IFIT1: variants seen among roughly 807,000 people sequenced by gnomAD.
The protein encoded by IFIT1 is interferon induced protein with tetratricopeptide repeats 1, also known as antiviral innate immune response effector IFIT1.
A neutral mutation model predicts 2.5 loss-of-function variants in IFIT1; 1 was observed. The observed-to-expected ratio is 0.40, with a 90% confidence interval of 0.14 to 1.92. The LOEUF is 1.92. IFIT1 is among the 40% of genes most tolerant of loss of function. IFIT1 has a pLI of 0.31. For missense variants in IFIT1, 508 were observed against 557.8 expected (o/e 0.91, Z 0.90); for synonymous variants, 191 against 201.7 (o/e 0.95, Z 0.45).
rs1844310921 is a variant in IFIT1 at position 89,394,602 on chromosome 10, AT to A, written c.5+1886del. ...AATATATATATATATATATATATATATATATATATATATATATATATATATA... is the reference window on the plus strand; with the variant it reads ...AATATATATATATATATATATATATAATATATATATATATATATATATATA... On this transcript the variant is annotated intron_variant, in intron 1 of 1. Coordinates refer to ENST00000371804, the MANE Select transcript of IFIT1 (RefSeq NM_001548.5). 2.1e-4 allele frequency among the ~76,000 whole-genome samples: 7 copies of A among 32,636 alleles called. 1 individual carries two copies. The highest frequency in any genetic ancestry group is 5.6e-4 in the Admixed American group (2 of 3,576). 21.4% of individuals were successfully genotyped at this position (32,636 alleles called of 152,430 possible).
Position 89,403,699 on chromosome 10 carries a change from G to C in IFIT1, c.1424G>C (p.Arg475Thr). The C allele has an allele frequency of 6.3e-7, 1 of 1,582,164 alleles. No homozygotes were observed. Among genetic ancestry groups the C allele is most frequent in the Non-Finnish European group, 8.6e-7 (1 of 1,165,200 alleles). Residue 475 changes from arginine (R) to threonine (T), a missense_variant, in exon 2 of 2, where the codon AGA (arginine) becomes ACA (threonine). Physicochemically the swap from Arg to Thr is moderately conservative, Grantham distance 71. Transcript: ENST00000371804. Reference protein sequence around the residue: ...RLAADFENSVRQGP With the variant: ...RLAADFENSVTQGP ...GCTGCTGACTTTGAGAACTCTGTGA[G>C]ACAAGGTCCTTAGGCACCCAGATAT...
rs1216716423 is a variant in IFIT1, at chr10:89,392,637, A to G, written c.-76A>G. ...GGTTTAAACGTAACTGAAAATCCAC[A>G]AGACAGAATAGCCAGATCTCAGAGG... On this transcript the variant is annotated 5_prime_UTR_variant, in exon 1 of 2. Transcript: ENST00000371804. 2 of 1,545,234 alleles carry G rather than the reference A, an allele frequency of 1.3e-6. No individual in the cohort carries two copies. The highest frequency in any genetic ancestry group is 1.8e-6 in the Non-Finnish European group (2 of 1,118,042).
At chr10:89,401,001 C>T (rs1449288415) in intron 1 of IFIT1, among the ~76,000 whole-genome samples, 1 of 151,684 alleles carries the variant, frequency 6.6e-6, no homozygotes, top group Non-Finnish European at 1.5e-5. Flanking sequence ...AATGCTTTTC[C>T]TGCATCAATT....
At chr10:89,392,847 T>C in intron 1 of IFIT1, 130 bp downstream of exon 1, 2 of 902,692 alleles carry the variant, frequency 2.2e-6, no homozygotes, top group Non-Finnish European at 1.8e-6. Flanking sequence ...TATCTGCTTA[T>C]GGACTGAATG....
Position 89,406,170 on chromosome 10 carries a change from T to C in IFIT1, c.*2458T>C, listed in dbSNP as rs1844527615. 1 of 152,242 alleles carries C rather than the reference T, an allele frequency of 6.6e-6. No homozygotes were observed. Among genetic ancestry groups the C allele is most frequent in the Non-Finnish European group, 1.5e-5 (1 of 68,058 alleles). The allele number at this position is 152,242 out of a possible 1,614,324, so 9.4% of individuals were successfully genotyped here. ...TTGTTACACAGGTAAACGTGTGCCA[T>C]GGCGGTTTGCTGAACAGATCATCCC... On this transcript the variant is annotated 3_prime_UTR_variant, in exon 2 of 2. Transcript: ENST00000371804.
chr10:89,395,025 A>C (rs1331587192), intron 1 of IFIT1, among the ~76,000 whole-genome samples: 1 of 152,204 alleles, frequency 6.6e-6, no homozygotes, highest in Non-Finnish European at 1.5e-5. Context: ...TTCCAGAAGC[A>C]GGGCTCAGTC....
chr10:89,392,853 G>A, intron 1 of IFIT1, 136 bp downstream of exon 1: 1 of 877,782 alleles, frequency 1.1e-6, no homozygotes. Context: ...CTTATGGACT[G>A]AATGTGTGCA....
Position 89,392,674 on chromosome 10 carries a change from G to C in IFIT1, c.-39G>C. ...CCAGATCTCAGAGGAGCCTGGCTAA[G>C]CAAAACCCTGCAGAACGGCTGCCTA... On this transcript the variant is annotated 5_prime_UTR_variant, in exon 1 of 2. Coordinates refer to ENST00000371804, the MANE Select transcript of IFIT1 (RefSeq NM_001548.5). The C allele has an allele frequency of 6.2e-7, 1 of 1,613,614 alleles. No individual in the cohort carries two copies. The highest frequency in any genetic ancestry group is 8.5e-7 in the Non-Finnish European group (1 of 1,179,530).
chr10:89,402,661 C>CAA lies in IFIT1; in HGVS notation c.388_389dup (p.Asn130LysfsTer13). 1 of 1,614,224 alleles carries CAA rather than the reference C, an allele frequency of 6.2e-7. No homozygotes were observed. Among genetic ancestry groups the CAA allele is most frequent in the African/African-American group, 1.3e-5 (1 of 75,052 alleles). On this transcript the variant is annotated frameshift_variant, in exon 2 of 2. Coordinates refer to ENST00000371804, the MANE Select transcript of IFIT1 (RefSeq NM_001548.5). LOFTEE classifies it low-confidence loss of function (END_TRUNC). ...GTGGAGAACATTTGCAAGAAGCTTT[C>CAA]AAATCCCTTCCGCTATAGAATGGAG...
chr10:89,398,318 T>C (rs1178071332), intron 1 of IFIT1, among the ~76,000 whole-genome samples: 3 of 152,210 alleles, frequency 2.0e-5, no homozygotes, highest in Admixed American at 2.0e-4. Flanking sequence ...TCCACATGCG[T>C]GATGTTCCCT....
chr10:89,403,880 G>C lies in IFIT1; in HGVS notation c.*168G>C, dbSNP rs556284768. ...GTTGTGTTCAACAATTAGTGAAACA[G>C]AATGTGTGTATGCATGTAAGAAAGA... On this transcript the variant is annotated 3_prime_UTR_variant, in exon 2 of 2. Coordinates refer to ENST00000371804, the MANE Select transcript of IFIT1 (RefSeq NM_001548.5). 1.8e-6 allele frequency: 1 copy of C among 562,996 alleles called. No homozygotes were observed. The highest frequency in any genetic ancestry group is 2.6e-5 in the South Asian group (1 of 39,022). 34.9% of individuals were successfully genotyped at this position (562,996 alleles called of 1,614,324 possible).
At position 89,393,120 on chromosome 10, in the gene IFIT1, G is replaced by T. The variant is rs1844282131; in HGVS notation, c.5+403G>T. The T allele has an allele frequency of 3.1e-6, 4 of 1,294,276 alleles. No individual in the cohort carries two copies. The South Asian group carries it at 4.9e-5, about 16-fold the overall frequency. The allele number at this position is 1,294,276 out of a possible 1,614,324, so 80.2% of individuals were successfully genotyped here. A position where few individuals can be genotyped will look rare whatever the true frequency, so the allele number is the denominator to read the frequency against. On this transcript the variant is annotated intron_variant, in intron 1 of 1. Transcript: ENST00000371804. ...TGCTTTCTGCAGGTTCTTTACCACA[G>T]AGAAAAAGCAGGACCCACAAGAATG...
At chr10:89,394,322 T>C (rs11203106) in intron 1 of IFIT1, among the ~76,000 whole-genome samples, 38,100 of 152,042 alleles carry the variant, frequency 0.25, 4,987 homozygotes, top group Middle Eastern at 0.28. Context: ...AATATCATTA[T>C]GCAGTGCATG....
intron 1 of IFIT1, among the ~76,000 whole-genome samples, chr10:89,401,999 C>T (rs1293455874): frequency 6.6e-6 from 1 of 152,070 alleles, no homozygotes; most frequent in Non-Finnish European, 1.5e-5. Context: ...TTTATTAATC[C>T]TCACCAAACC....
At position 89,404,358 on chromosome 10, in the gene IFIT1, C is replaced by G. The variant is rs1844495311; in HGVS notation, c.*646C>G. The G allele has an allele frequency of 6.6e-6, 1 of 152,344 alleles. No homozygotes were observed. The highest frequency in any genetic ancestry group is 6.5e-5 in the Admixed American group (1 of 15,284). The allele number at this position is 152,344 out of a possible 1,614,324, so 9.4% of individuals were successfully genotyped here. On this transcript the variant is annotated 3_prime_UTR_variant, in exon 2 of 2. Coordinates refer to ENST00000371804, the MANE Select transcript of IFIT1 (RefSeq NM_001548.5). ...CCACTGCCCACAGACTGGTTCTGGC[C>G]AGTCCATGGAGGCTGCACACAGGGT...
intron 1 of IFIT1, chr10:89,392,996 G>A (rs1201197362): frequency 5.5e-6 from 4 of 726,488 alleles, no homozygotes; most frequent in South Asian, 1.9e-5. Flanking sequence ...AGTTTTGCAG[G>A]AAGGGAGAAA....
chr10:89,403,731 C>CT lies in IFIT1; in HGVS notation c.*22dup. 4 of 1,324,446 alleles carry CT rather than the reference C, an allele frequency of 3.0e-6. No homozygotes were observed. Among genetic ancestry groups the CT allele is most frequent in the Middle Eastern group, 3.7e-4 (2 of 5,338 alleles). The allele number at this position is 1,324,446 out of a possible 1,614,324, so 82.0% of individuals were successfully genotyped here. A position where few individuals can be genotyped will look rare whatever the true frequency, so the allele number is the denominator to read the frequency against. On this transcript the variant is annotated 3_prime_UTR_variant, in exon 2 of 2. Coordinates refer to ENST00000371804, the MANE Select transcript of IFIT1 (RefSeq NM_001548.5). ...TCCTTAGGCACCCAGATATCAGCCA[C>CT]TTTCACATTTCATTTCATTTTATGC...
Position 89,403,669 on chromosome 10 carries a change from G to C in IFIT1, c.1394G>C (p.Arg465Thr), listed in dbSNP as rs201342263. ...CTGGAGTACTATGAGCGGGCCCTGAGACTGGCTGCTGACTTTGAGAACTCT... is the reference window on the plus strand; with the variant it reads ...CTGGAGTACTATGAGCGGGCCCTGACACTGGCTGCTGACTTTGAGAACTCT... The part of the protein sequence containing the change: ...EALEYYERAL[R>T]LAADFENSVR... Residue 465 changes from arginine to threonine, a missense_variant, in exon 2 of 2, where the codon AGA becomes ACA. Arg to Thr is a moderately conservative substitution (Grantham distance 71, BLOSUM62 -1). Transcript: ENST00000371804. 1 of 1,605,276 alleles carries C rather than the reference G, an allele frequency of 6.2e-7. No individual in the cohort carries two copies. Among genetic ancestry groups the C allele is most frequent in the Non-Finnish European group, 8.5e-7 (1 of 1,177,636 alleles).
At position 89,403,603 on chromosome 10, in the gene IFIT1, T is replaced by C. The variant is rs766898563; in HGVS notation, c.1328T>C (p.Leu443Pro). The C allele has an allele frequency of 2.0e-5, 32 of 1,614,060 alleles. No individual in the cohort carries two copies. Among genetic ancestry groups the C allele is most frequent in the Non-Finnish European group, 2.6e-5 (31 of 1,179,930 alleles). Residue 443 changes from leucine to proline, a missense_variant, in exon 2 of 2, where the codon CTT (leucine) becomes CCT (proline). By Grantham distance (98) the Leu-to-Pro change is moderately conservative. Coordinates refer to ENST00000371804, the MANE Select transcript of IFIT1 (RefSeq NM_001548.5). ...TTAGATCTGGAAAGCTTGAGCCTCC[T>C]TGGGTTCGTCTACAAATTGGAAGGA... ...KALDLESLSL[L>P]GFVYKLEGNM...
Sources: allele counts gnomAD v4.1 joint callset (sites outside exome capture counted in the v4.1 genomes callset), GRCh38; gene constraint gnomAD v4.1.1; transcripts MANE v1.5; gene names NCBI Gene and HGNC (gene_info 2026-07-23, HGNC 2026-07-21).